GLRA1: variants seen among roughly 807,000 people sequenced by gnomAD.
The protein encoded by GLRA1 is glycine receptor subunit alpha-1.
A neutral mutation model predicts 48.3 loss-of-function variants in GLRA1; 37 were observed. That is an observed-to-expected ratio of 0.77 (90% confidence interval 0.59 to 1.01). GLRA1 has a LOEUF of 1.01. Ranked by LOEUF, GLRA1 falls within the 50% of genes least tolerant of loss-of-function variation. GLRA1 has a pLI of 0.00. For synonymous variants in GLRA1, 196 were observed against 210.7 expected (o/e 0.93, Z 0.60); for missense variants, 427 against 571.0 (o/e 0.75, Z 2.57).
chr5:151,880,702 C>T (rs1753740089), intron 3 of GLRA1, among the ~76,000 whole-genome samples: 1 of 152,248 alleles, frequency 6.6e-6, no homozygotes, highest in Non-Finnish European at 1.5e-5. Flanking sequence ...TATAGTCATA[C>T]TCCCATACTG....
chr5:151,837,074 A>T (rs1347750795), intron 7 of GLRA1, among the ~76,000 whole-genome samples: 1 of 152,248 alleles, frequency 6.6e-6, no homozygotes, highest in Non-Finnish European at 1.5e-5. Flanking sequence ...TCCATCTGAC[A>T]AAGGGCTAAT....
At chr5:151,836,815 G>A (rs773397730) in intron 7 of GLRA1, among the ~76,000 whole-genome samples, 1 of 152,078 alleles carries the variant, frequency 6.6e-6, no homozygotes, top group Non-Finnish European at 1.5e-5. Context: ...GGACTTAAAT[G>A]TAAGACCTAA....
intron 1 of GLRA1, among the ~76,000 whole-genome samples, chr5:151,914,389 T>C (rs1300872077): frequency 2.0e-5 from 3 of 152,162 alleles, no homozygotes; most frequent in Non-Finnish European, 1.5e-5. Flanking sequence ...GCTTTGAAGG[T>C]CTGCTTTGGG....
chr5:151,873,387 G>A lies in GLRA1; in HGVS notation c.252+13334C>T, dbSNP rs534806518. Among the ~76,000 whole-genome samples the A allele has an allele frequency of 3.3e-5, 5 of 149,694 alleles. 1 individual carries two copies. The highest frequency in any genetic ancestry group is 7.7e-5 in the African/African-American group (3 of 39,080). ...CATCAGATTTACCTTACAGCCAGGC[G>A]CGGTGGCTCATGCCTATAATCCCAG... is the stretch of plus-strand genomic sequence containing the variant. On this transcript the variant is annotated intron_variant, in intron 3 of 8. Transcript: ENST00000274576.
At chr5:151,841,193 G>A (rs1179874862) in intron 7 of GLRA1, among the ~76,000 whole-genome samples, 3 of 151,580 alleles carry the variant, frequency 2.0e-5, no homozygotes, top group Non-Finnish European at 2.9e-5. Flanking sequence ...TGATTTCAAT[G>A]GAATATTAAA....
intron 7 of GLRA1, among the ~76,000 whole-genome samples, chr5:151,843,982 C>T (rs1328749081): frequency 2.0e-5 from 3 of 152,024 alleles, no homozygotes; most frequent in African/African-American, 7.2e-5. Context: ...CCAGCCTGGA[C>T]AACATGGTGA....
chr5:151,843,027 A>G (rs918389280), intron 7 of GLRA1, among the ~76,000 whole-genome samples: 1 of 152,216 alleles, frequency 6.6e-6, no homozygotes, highest in Non-Finnish European at 1.5e-5. Context: ...CACCTGTTAT[A>G]TAATTTAACA....
intron 3 of GLRA1, among the ~76,000 whole-genome samples, chr5:151,884,584 T>A (rs1203427535): frequency 6.6e-6 from 1 of 152,118 alleles, no homozygotes. Context: ...GTAGACAGAG[T>A]GAGCTCAGTG....
At chr5:151,845,290 A>G (rs1267539564) in intron 7 of GLRA1, among the ~76,000 whole-genome samples, 1 of 152,244 alleles carries the variant, frequency 6.6e-6, no homozygotes, top group Admixed American at 6.5e-5. Flanking sequence ...GGCACATAGA[A>G]CAAGAGAAAA....
intron 3 of GLRA1, among the ~76,000 whole-genome samples, chr5:151,880,894 A>G (rs1283569588): frequency 6.6e-6 from 1 of 152,250 alleles, no homozygotes; most frequent in African/African-American, 2.4e-5. Context: ...AATACACTCC[A>G]TGCACATTCG....
At chr5:151,829,777 C>G (rs1763378778) in intron 7 of GLRA1, among the ~76,000 whole-genome samples, 1 of 152,174 alleles carries the variant, frequency 6.6e-6, no homozygotes, top group Non-Finnish European at 1.5e-5. Context: ...ATTCCCCCAG[C>G]CATAAACAAC....
In GLRA1 at chr5:151,880,562, G is replaced by A. The variant is rs73794384; in HGVS notation, c.252+6159C>T. Among the ~76,000 whole-genome samples the A allele has an allele frequency of 2.5e-3, 387 of 152,070 alleles. 2 individuals carry two copies. Among genetic ancestry groups the A allele is most frequent in the African/African-American group, 9.0e-3 (375 of 41,454 alleles). Reference sequence around the variant, plus strand: ...CACATGTTCTAATAATGGAAATACTGGGATTCATGCCCAAAGGATGTCAAC... The same window carrying A: ...CACATGTTCTAATAATGGAAATACTAGGATTCATGCCCAAAGGATGTCAAC... On this transcript the variant is annotated intron_variant, in intron 3 of 8. Transcript: ENST00000274576.
intron 1 of GLRA1, among the ~76,000 whole-genome samples, chr5:151,909,832 C>G (rs1185621838): frequency 6.6e-6 from 1 of 152,042 alleles, no homozygotes; most frequent in Non-Finnish European, 1.5e-5. Flanking sequence ...GTCCCTTTCC[C>G]TCTGGCCACA....
intron 1 of GLRA1, among the ~76,000 whole-genome samples, chr5:151,909,410 TAA>T (rs996875781): frequency 1.4e-4 from 21 of 152,162 alleles, no homozygotes; most frequent in Non-Finnish European, 2.9e-4. Context: ...GTTTGGAAGT[TAA>T]GAGTAAAGTT....
At chr5:151,909,922 T>C (rs766533713) in intron 1 of GLRA1, among the ~76,000 whole-genome samples, 2 of 151,696 alleles carry the variant, frequency 1.3e-5, no homozygotes, top group Non-Finnish European at 2.9e-5. Context: ...TGAGTAGGAG[T>C]ATTTTATGAA....
chr5:151,923,430 A>G (rs959830987), intron 1 of GLRA1, among the ~76,000 whole-genome samples: 3 of 152,208 alleles, frequency 2.0e-5, no homozygotes, highest in Non-Finnish European at 2.9e-5. Flanking sequence ...ATGACTGTTA[A>G]TCCAATGCCA....
rs530577166 is a variant in GLRA1, at chr5:151,833,861, A to G, written c.913-4794T>C. Among the ~76,000 whole-genome samples the G allele has an allele frequency of 1.7e-4, 25 of 150,894 alleles. No homozygotes were observed. The South Asian group carries it at 1.7e-3, about 10-fold the overall frequency. ...TTCTGATAAAACAGACTTTAAACCAATAAAGATCAAAAAAGACAAAGAAGG... is the reference window on the plus strand; with the variant it reads ...TTCTGATAAAACAGACTTTAAACCAGTAAAGATCAAAAAAGACAAAGAAGG... On this transcript the variant is annotated intron_variant, in intron 7 of 8. Coordinates refer to ENST00000274576, the MANE Select transcript of GLRA1 (RefSeq NM_000171.4).
At chr5:151,894,329 C>T (rs1754177107) in intron 1 of GLRA1, among the ~76,000 whole-genome samples, 1 of 152,174 alleles carries the variant, frequency 6.6e-6, no homozygotes. Flanking sequence ...TGTCACCACC[C>T]TGGCCTCTTC....
At chr5:151,886,188 T>C (rs1753900722) in intron 3 of GLRA1, among the ~76,000 whole-genome samples, 1 of 152,182 alleles carries the variant, frequency 6.6e-6, no homozygotes, top group South Asian at 2.1e-4. Context: ...AGGAAGAAAA[T>C]AAAAATTATT....
Sources: allele counts gnomAD v4.1 joint callset (sites outside exome capture counted in the v4.1 genomes callset), GRCh38; gene constraint gnomAD v4.1.1; transcripts MANE v1.5; gene names NCBI Gene and HGNC (gene_info 2026-07-23, HGNC 2026-07-21).